The following TSHZ2 variants were observed in gnomAD, a reference collection of about 807,000 sequenced individuals.
TSHZ2 encodes the protein teashirt homolog 2.
Under a neutral mutation model 74.4 loss-of-function variants are expected in TSHZ2, and 21 were observed. That is an observed-to-expected ratio of 0.28 (90% confidence interval 0.20 to 0.41). The LOEUF is 0.41. Among genes scored for constraint, TSHZ2 ranks in the 10% least tolerant of loss-of-function variants. The pLI is 1.00. For missense variants in TSHZ2, 1,244 were observed against 1,293.5 expected (o/e 0.96, Z 0.59); for synonymous variants, 540 against 515.3 (o/e 1.05, Z -0.65).
intron 1 of TSHZ2, among the ~76,000 whole-genome samples, chr20:53,190,920 A>T (rs1555834548): frequency 6.6e-6 from 1 of 151,944 alleles, no homozygotes; most frequent in Non-Finnish European, 1.5e-5. Context: ...CCCAGGGTAC[A>T]TTTTTTTTGT....
At chr20:53,370,654 C>G (rs6022426) in intron 2 of TSHZ2, among the ~76,000 whole-genome samples, 2,528 of 152,162 alleles carry the variant, frequency 0.017, 68 homozygotes, top group African/African-American at 0.052. Flanking sequence ...GTCCCAGATA[C>G]TCAGGGGGCT....
At chr20:53,209,274 G>A (rs1025120453) in intron 1 of TSHZ2, among the ~76,000 whole-genome samples, 4 of 152,120 alleles carry the variant, frequency 2.6e-5, no homozygotes, top group Non-Finnish European at 5.9e-5. Context: ...TTTTAGTAGA[G>A]ATGGGGTTTC....
intron 1 of TSHZ2, among the ~76,000 whole-genome samples, chr20:53,217,653 G>T (rs934920608): frequency 6.6e-6 from 1 of 152,146 alleles, no homozygotes; most frequent in African/African-American, 2.4e-5. Flanking sequence ...ACCACACAGG[G>T]CCAGTAACGT....
intron 2 of TSHZ2, among the ~76,000 whole-genome samples, chr20:53,433,165 A>G (rs2145736321): frequency 6.6e-6 from 1 of 152,324 alleles, no homozygotes; most frequent in East Asian, 1.9e-4. Flanking sequence ...TAGCTGCAAG[A>G]TGCTGTGACA....
At chr20:53,261,467 T>G (rs1293283404) in intron 2 of TSHZ2, among the ~76,000 whole-genome samples, 4 of 152,228 alleles carry the variant, frequency 2.6e-5, no homozygotes, top group Non-Finnish European at 5.9e-5. Flanking sequence ...CCCTCAGGAA[T>G]TCATTTTAGG....
At chr20:53,445,516 C>T (rs1984514325) in intron 2 of TSHZ2, among the ~76,000 whole-genome samples, 1 of 152,158 alleles carries the variant, frequency 6.6e-6, no homozygotes, top group Non-Finnish European at 1.5e-5. Flanking sequence ...TCCCTGTTTC[C>T]CAACCTCATT....
chr20:53,308,991 C>T (rs1461486579), intron 2 of TSHZ2, among the ~76,000 whole-genome samples: 12 of 152,142 alleles, frequency 7.9e-5, no homozygotes, highest in Non-Finnish European at 1.3e-4. Flanking sequence ...ACTCAGGGGG[C>T]AAAAGACTGA....
intron 1 of TSHZ2, among the ~76,000 whole-genome samples, chr20:53,076,850 A>G (rs948124056): frequency 1.3e-5 from 2 of 152,194 alleles, no homozygotes; most frequent in Non-Finnish European, 1.5e-5. Flanking sequence ...GCAGATGCAT[A>G]ATTCATTTTG....
chr20:53,460,859 C>T (rs959242854), intron 2 of TSHZ2, among the ~76,000 whole-genome samples: 4 of 152,196 alleles, frequency 2.6e-5, no homozygotes, highest in East Asian at 1.9e-4. Context: ...TTAGGCTGCT[C>T]GGGGGTCAGG....
rs550160736 is a variant in TSHZ2, at chr20:52,975,828, T to G, written c.40+2495T>G. Among the ~76,000 whole-genome samples the G allele has an allele frequency of 3.9e-4, 59 of 152,294 alleles. No individual in the cohort carries two copies. The South Asian group carries it at 0.011, about 29-fold the overall frequency. ...GTTATTCACAAGTAAAGTTAGCCAC[T>G]TTGGGGTTCTGTAGTCAGTTAACAT... On this transcript the variant is annotated intron_variant, in intron 1 of 2. Coordinates refer to ENST00000371497, the MANE Select transcript of TSHZ2 (RefSeq NM_173485.6).
intron 1 of TSHZ2, among the ~76,000 whole-genome samples, chr20:53,203,492 G>A (rs1332342198): frequency 6.6e-6 from 1 of 152,018 alleles, no homozygotes; most frequent in African/African-American, 2.4e-5. Context: ...GATTTGGCAT[G>A]GGGGTCTCAA....
At chr20:53,045,008 T>TA (rs1984176418) in intron 1 of TSHZ2, among the ~76,000 whole-genome samples, 1 of 152,164 alleles carries the variant, frequency 6.6e-6, no homozygotes, top group Non-Finnish European at 1.5e-5. Context: ...CCTTTATTTT[T>TA]AAAAAATTAA....
intron 2 of TSHZ2, among the ~76,000 whole-genome samples, chr20:53,441,712 G>C (rs1010612666): frequency 6.6e-6 from 1 of 151,886 alleles, no homozygotes; most frequent in Non-Finnish European, 1.5e-5. Context: ...CCTCCGAGTA[G>C]CTGGGATTAC....
intron 1 of TSHZ2, among the ~76,000 whole-genome samples, chr20:53,062,279 T>C (rs1340284373): frequency 6.6e-6 from 1 of 152,186 alleles, no homozygotes; most frequent in Non-Finnish European, 1.5e-5. Context: ...GCTTGGCAAA[T>C]TGTAAAGTGC....
At chr20:53,399,704 G>T (rs1390251534) in intron 2 of TSHZ2, 1 of 152,146 alleles carries the variant, frequency 6.6e-6, no homozygotes, top group Non-Finnish European at 1.5e-5. Flanking sequence ...GACCTGGCAA[G>T]CAGTCGCCTT....
At chr20:53,239,184 A>G (rs1315081940) in intron 1 of TSHZ2, among the ~76,000 whole-genome samples, 1 of 152,138 alleles carries the variant, frequency 6.6e-6, no homozygotes, top group African/African-American at 2.4e-5. Context: ...AGTTGTGACA[A>G]TCAAATGTCT....
At chr20:53,484,382 CTTT>C (rs10610067) in intron 2 of TSHZ2, among the ~76,000 whole-genome samples, 120 of 98,840 alleles carry the variant, frequency 1.2e-3, no homozygotes, top group African/African-American at 3.9e-3. Context: ...TTATCTCTCT[CTTT>C]TTTTTTTTTT....
intron 1 of TSHZ2, among the ~76,000 whole-genome samples, chr20:53,183,505 GTT>G (rs1360493844): frequency 6.6e-6 from 1 of 152,166 alleles, no homozygotes; most frequent in East Asian, 1.9e-4. Flanking sequence ...TTGAAAAAGT[GTT>G]TTCTTTTAAT....
At chr20:53,285,728 A>AAAAAAG (rs1555846141) in intron 2 of TSHZ2, among the ~76,000 whole-genome samples, 2 of 151,480 alleles carry the variant, frequency 1.3e-5, no homozygotes, top group Non-Finnish European at 1.5e-5. Flanking sequence ...AGAGAAAAAA[A>AAAAAAG]AAAGAAAGAA....
Sources: gnomAD v4.1 joint callset for allele counts (sites outside exome capture counted in the v4.1 genomes callset) on GRCh38, gnomAD v4.1.1 for gene constraint, MANE v1.5 for transcripts, NCBI Gene and HGNC (gene_info 2026-07-23, HGNC 2026-07-21) for gene names.